Variants in ZUP1 observed in about 807,000 individuals in gnomAD.
ZUP1 encodes the protein zinc finger containing ubiquitin peptidase 1.
In ZUP1, 55 loss-of-function variants were observed where a neutral mutation model predicts 68.1. The observed-to-expected ratio is 0.81, with a 90% CI of 0.65 to 1.01. ZUP1 has a LOEUF of 1.01. ZUP1 is among the 50% of genes least tolerant of loss of function. ZUP1 has a pLI of 0.00. For synonymous variants in ZUP1, 223 were observed against 221.5 expected (o/e 1.01, Z -0.06); for missense variants, 684 against 674.9 (o/e 1.01, Z -0.15).
chr6:116,648,061 T>C (rs1156490365), intron 7 of ZUP1, among the ~76,000 whole-genome samples: 1 of 152,226 alleles, frequency 6.6e-6, no homozygotes, highest in East Asian at 1.9e-4. Flanking sequence ...GCCATTGGTA[T>C]ATATAAAATA....
chr6:116,662,040 A>G (rs1776858612), intron 2 of ZUP1, among the ~76,000 whole-genome samples: 1 of 152,228 alleles, frequency 6.6e-6, no homozygotes, highest in East Asian at 1.9e-4. Context: ...AAAAAATAGA[A>G]AGATGAAGAA....
intron 9 of ZUP1, among the ~76,000 whole-genome samples, chr6:116,645,122 A>C (rs913731211): frequency 2.1e-5 from 3 of 146,178 alleles, no homozygotes; most frequent in East Asian, 3.9e-4. Context: ...TTTAAAATGC[A>C]AAAAAATTAA....
rs1202608253 is a variant in ZUP1 at position 116,666,957 on chromosome 6, TTG to T, written c.234_235del (p.Asp78GlufsTer10). On this transcript the variant is annotated frameshift_variant, in exon 2 of 10. Coordinates refer to ENST00000368576, the MANE Select transcript of ZUP1 (RefSeq NM_145062.3). LOFTEE classifies it high-confidence loss of function. ...AACTTCCATTCCACACTGTAGGGTG[TTG>T]TCTTTCTTGTTATCTGAAGTTCCAT... 1 of 1,613,428 alleles carries T rather than the reference TTG, an allele frequency of 6.2e-7. No individual in the cohort carries two copies. The highest frequency in any genetic ancestry group is 8.5e-7 in the Non-Finnish European group (1 of 1,179,862).
intron 9 of ZUP1, among the ~76,000 whole-genome samples, chr6:116,643,448 T>C (rs561611105): frequency 8.1e-4 from 124 of 152,178 alleles, no homozygotes; most frequent in Non-Finnish European, 1.3e-3. Context: ...TACTACAAGG[T>C]TACAGTAACC....
rs1010531444 is a variant in ZUP1, at chr6:116,657,437, T to C, written c.793-585A>G. Among the ~76,000 whole-genome samples the C allele has an allele frequency of 5.3e-5, 8 of 152,190 alleles. No individual in the cohort carries two copies. In the East Asian group the frequency reaches 9.6e-4, roughly 18 times the overall value. ...CAAAATTACATAACCTCCTTAAATATTGGAAACTTTTTGTATTGATCATGT... is the reference window on the plus strand; with the variant it reads ...CAAAATTACATAACCTCCTTAAATACTGGAAACTTTTTGTATTGATCATGT... On this transcript the variant is annotated intron_variant, in intron 4 of 9. Transcript: ENST00000368576.
chr6:116,637,864 A>ATCAGCCTGGC (rs1775948667), intron 9 of ZUP1, among the ~76,000 whole-genome samples: 1 of 152,214 alleles, frequency 6.6e-6, no homozygotes, highest in East Asian at 1.9e-4. Context: ...GGAGTTCAAC[A>ATCAGCCTGGC]TCAGCCTGGC....
chr6:116,663,811 G>T (rs1432194463), intron 2 of ZUP1, among the ~76,000 whole-genome samples: 7 of 151,930 alleles, frequency 4.6e-5, no homozygotes, highest in Admixed American at 4.6e-4. Flanking sequence ...GCTGGGCGTG[G>T]TGGTGCAGGC....
chr6:116,636,791 A>G (rs1167907476), intron 9 of ZUP1, among the ~76,000 whole-genome samples: 1 of 152,178 alleles, frequency 6.6e-6, no homozygotes, highest in East Asian at 1.9e-4. Flanking sequence ...AAACTATCAT[A>G]TTTGTTTTTA....
chr6:116,668,469 G>A (rs1777075861), intron 1 of ZUP1, 97 bp downstream of exon 1: 1 of 152,358 alleles, frequency 6.6e-6, no homozygotes, highest in African/African-American at 2.4e-5. Context: ...CAAACGTTCC[G>A]CGCCAAAGGC....
intron 9 of ZUP1, among the ~76,000 whole-genome samples, chr6:116,640,788 C>G (rs1439512958): frequency 1.3e-5 from 2 of 151,312 alleles, no homozygotes; most frequent in African/African-American, 2.4e-5. Flanking sequence ...AACTAACAAG[C>G]AAAATAACCA....
chr6:116,653,025 G>C (rs149018666), intron 5 of ZUP1, among the ~76,000 whole-genome samples: 1 of 151,886 alleles, frequency 6.6e-6, no homozygotes, highest in Non-Finnish European at 1.5e-5. Flanking sequence ...AATACACCTG[G>C]CACTATCTAA....
intron 9 of ZUP1, among the ~76,000 whole-genome samples, chr6:116,638,427 A>C (rs188393063): frequency 7.9e-5 from 12 of 152,280 alleles, no homozygotes; most frequent in Admixed American, 6.5e-4. Flanking sequence ...ATTTTTCTGG[A>C]ATATTGTGCT....
intron 2 of ZUP1, among the ~76,000 whole-genome samples, chr6:116,661,728 A>G (rs1776848280): frequency 6.6e-6 from 1 of 151,406 alleles, no homozygotes. Flanking sequence ...CTGTATATGT[A>G]AGGCCTGGTC....
At chr6:116,659,508 T>G (rs2352424) in intron 3 of ZUP1, among the ~76,000 whole-genome samples, 55,339 of 151,902 alleles carry the variant, frequency 0.36, 10,726 homozygotes, top group African/African-American at 0.5. Flanking sequence ...TATGAAGTAG[T>G]TATTATTATT....
At chr6:116,653,322 C>T (rs1464244175) in intron 5 of ZUP1, among the ~76,000 whole-genome samples, 2 of 152,048 alleles carry the variant, frequency 1.3e-5, no homozygotes, top group Admixed American at 1.3e-4. Flanking sequence ...TTTACATACT[C>T]TACAGACTCT....
chr6:116,643,060 C>G (rs998501128), intron 9 of ZUP1, among the ~76,000 whole-genome samples: 4 of 151,226 alleles, frequency 2.6e-5, no homozygotes, highest in Non-Finnish European at 4.5e-5. Context: ...AACAGAGAGC[C>G]AAATCATGAG....
At chr6:116,646,115 T>C (rs979348360) in intron 8 of ZUP1, 181 bp from the exon 9 acceptor site, 10 of 434,790 alleles carry the variant, frequency 2.3e-5, no homozygotes, top group Admixed American at 1.2e-4. Flanking sequence ...GTTTTTTCAT[T>C]TAACTTTAGT....
At chr6:116,636,682 A>C (rs1775918165) in intron 9 of ZUP1, among the ~76,000 whole-genome samples, 1 of 152,146 alleles carries the variant, frequency 6.6e-6, no homozygotes, top group Admixed American at 6.5e-5. Flanking sequence ...TTTCTATAAT[A>C]GTTGCATGAT....
intron 4 of ZUP1, among the ~76,000 whole-genome samples, chr6:116,657,700 C>T (rs1292239110): frequency 6.6e-6 from 1 of 152,210 alleles, no homozygotes; most frequent in Non-Finnish European, 1.5e-5. Context: ...CCAAAGTATA[C>T]AAACCTGTTT....
Sources: allele counts gnomAD v4.1 joint callset (sites outside exome capture counted in the v4.1 genomes callset), GRCh38; gene constraint gnomAD v4.1.1; transcripts MANE v1.5; gene names NCBI Gene and HGNC (gene_info 2026-07-23, HGNC 2026-07-21).